AZIN1: variants seen among roughly 807,000 people sequenced by gnomAD.
AZIN1 encodes antizyme inhibitor 1, also known as ornithine decarboxylase antizyme inhibitor.
Under a neutral mutation model 47.4 loss-of-function variants are expected in AZIN1, and 12 were observed. That is an observed-to-expected ratio of 0.25 (90% CI 0.16 to 0.41). The LOEUF (loss-of-function observed/expected upper bound fraction) is 0.41, where lower values mean the gene tolerates loss of function less well. Ranked by LOEUF, AZIN1 falls within the 10% of genes least tolerant of loss-of-function variation. The pLI, the probability that AZIN1 is intolerant of heterozygous loss-of-function variation, is 1.00. For synonymous variants in AZIN1, 155 were observed against 176.3 expected (o/e 0.88, Z 0.96); for missense variants, 410 against 532.4 (o/e 0.77, Z 2.26).
At position 102,833,891 on chromosome 8, in the gene AZIN1, TAA is replaced by T. The variant is rs74551220; in HGVS notation, c.741+296_741+297del. Among the ~76,000 whole-genome samples the T allele has an allele frequency of 5.3e-3, 666 of 126,492 alleles. 10 individuals carry two copies. The highest frequency in any genetic ancestry group is 0.017 in the African/African-American group (603 of 34,766). The allele number at this position is 126,492 out of a possible 152,430, so 83.0% of individuals were successfully genotyped here. ...CAGCCTGGGCAACACAGGAAGACTT[TAA>T]AAAAAAAAAAAAAAAGGTAGTAGTG... On this transcript the variant is annotated intron_variant, in intron 8 of 11. Transcript: ENST00000337198.
chr8:102,842,144 T>C (rs772658363), intron 3 of AZIN1, among the ~76,000 whole-genome samples: 11 of 151,506 alleles, frequency 7.3e-5, no homozygotes, highest in Non-Finnish European at 1.2e-4. Context: ...TCACCTTAAG[T>C]AGCAGTGAGT....
At chr8:102,832,493 G>A (rs1353674342) in intron 9 of AZIN1, among the ~76,000 whole-genome samples, 1 of 152,148 alleles carries the variant, frequency 6.6e-6, no homozygotes, top group Non-Finnish European at 1.5e-5. Flanking sequence ...GTGAGGTAAG[G>A]AGAACAGAAA....
chr8:102,840,111 A>G (rs908631585), intron 3 of AZIN1, among the ~76,000 whole-genome samples: 3 of 152,236 alleles, frequency 2.0e-5, no homozygotes, highest in African/African-American at 7.2e-5. Flanking sequence ...ACAGTGACAA[A>G]AGTCAGAATG....
At chr8:102,863,508 G>T (rs1586221856) in intron 1 of AZIN1, among the ~76,000 whole-genome samples, 2 of 151,530 alleles carry the variant, frequency 1.3e-5, no homozygotes, top group East Asian at 3.9e-4. Flanking sequence ...CCCCGGCGGC[G>T]AGACCCCCGC....
intron 2 of AZIN1, among the ~76,000 whole-genome samples, chr8:102,848,188 G>A (rs1812695278): frequency 1.3e-5 from 2 of 152,024 alleles, no homozygotes; most frequent in African/African-American, 4.8e-5. Flanking sequence ...CTAGGTTTCT[G>A]TATGTACACT....
At chr8:102,829,679 C>A in intron 10 of AZIN1, 142 bp downstream of exon 10, 1 of 813,068 alleles carries the variant, frequency 1.2e-6, no homozygotes. Context: ...AAAAAAGGGA[C>A]TCCACCAGAA....
chr8:102,862,217 G>A (rs948315206), intron 1 of AZIN1, among the ~76,000 whole-genome samples: 4 of 152,124 alleles, frequency 2.6e-5, no homozygotes, highest in Non-Finnish European at 5.9e-5. Context: ...ATACTGATGT[G>A]AATTTTACCC....
intron 6 of AZIN1, among the ~76,000 whole-genome samples, chr8:102,835,922 C>A (rs955242530): frequency 6.6e-6 from 1 of 152,166 alleles, no homozygotes; most frequent in Non-Finnish European, 1.5e-5. Flanking sequence ...AAAAGTCTGA[C>A]ACTTTTATTT....
Position 102,833,046 on chromosome 8 carries a change from T to C in AZIN1, c.904+10A>G, listed in dbSNP as rs1563530450. On this transcript the variant is annotated intron_variant, in intron 9 of 11. Coordinates refer to ENST00000337198, the MANE Select transcript of AZIN1 (RefSeq NM_148174.4). ...CCAACAAAAATAAAACTATAAACTT[T>C]ATAACTTACCTCCAGAGGGAAATTT... The C allele has an allele frequency of 1.1e-5, 18 of 1,594,820 alleles. No homozygotes were observed. In the Middle Eastern group the frequency reaches 9.9e-4, roughly 88 times the overall value.
At chr8:102,838,255 A>G (rs759289054) in intron 5 of AZIN1, among the ~76,000 whole-genome samples, 1 of 152,244 alleles carries the variant, frequency 6.6e-6, no homozygotes, top group Non-Finnish European at 1.5e-5. Context: ...TTCAAAAATA[A>G]AAGTATTAGC....
At chr8:102,859,820 A>G (rs1162274563) in intron 1 of AZIN1, among the ~76,000 whole-genome samples, 1 of 152,212 alleles carries the variant, frequency 6.6e-6, no homozygotes, top group Non-Finnish European at 1.5e-5. Context: ...CAGGCAACAG[A>G]GGGAGAACCT....
rs1811228042 is a variant in AZIN1 at position 102,828,513 on chromosome 8, T to C, written c.*54A>G. 1 of 1,199,000 alleles carries C rather than the reference T, an allele frequency of 8.3e-7. No individual in the cohort carries two copies. The highest frequency in any genetic ancestry group is 2.1e-5 in the Admixed American group (1 of 46,770). 74.3% of individuals were successfully genotyped at this position (1,199,000 alleles called of 1,614,324 possible). On this transcript the variant is annotated 3_prime_UTR_variant, in exon 12 of 12. Coordinates refer to ENST00000337198, the MANE Select transcript of AZIN1 (RefSeq NM_148174.4). ...AAATTATTTTTCCACACTGGAATGT[T>C]GACCAGACAAGCTTAACCTGCAACT...
chr8:102,843,419 G>A (rs973495106), intron 3 of AZIN1, 132 bp downstream of exon 3: 4 of 695,120 alleles, frequency 5.8e-6, no homozygotes, highest in Non-Finnish European at 9.6e-6. Context: ...GGGTGTGGGG[G>A]AGGAAGGTCA....
intron 2 of AZIN1, among the ~76,000 whole-genome samples, chr8:102,853,865 C>T (rs1020700896): frequency 2.8e-5 from 4 of 141,026 alleles, no homozygotes; most frequent in South Asian, 2.2e-4. Context: ...GAAATTAAAT[C>T]GGGGGGTGGG....
chr8:102,828,744 A>G (rs1208485491), intron 11 of AZIN1, 66 bp from the exon 12 acceptor site: 9 of 958,058 alleles, frequency 9.4e-6, no homozygotes, highest in Non-Finnish European at 1.4e-5. Flanking sequence ...CACATAACAA[A>G]TGGATAATAA....
At chr8:102,850,511 T>C (rs549568724) in intron 2 of AZIN1, among the ~76,000 whole-genome samples, 1 of 152,262 alleles carries the variant, frequency 6.6e-6, no homozygotes, top group East Asian at 1.9e-4. Flanking sequence ...ACATCTACCA[T>C]AGATGTGAGA....
In AZIN1 at chr8:102,828,684, T is replaced by C. The variant is rs760077075; in HGVS notation, c.1236-6A>G. On this transcript the variant is annotated splice_region_variant and splice_polypyrimidine_tract_variant and intron_variant, in intron 11 of 11. Coordinates refer to ENST00000337198, the MANE Select transcript of AZIN1 (RefSeq NM_148174.4). ...CAGCATCTTGCATCTCATACCTACG[T>C]AGAAAAAAAATCAGCTAAATTCTCA... 2.5e-6 allele frequency: 4 copies of C among 1,584,504 alleles called. No individual in the cohort carries two copies. The Admixed American group carries it at 5.2e-5, about 20-fold the overall frequency.
At chr8:102,861,539 A>T (rs986704972) in intron 1 of AZIN1, among the ~76,000 whole-genome samples, 18 of 151,688 alleles carry the variant, frequency 1.2e-4, no homozygotes, top group Non-Finnish European at 2.4e-4. Context: ...GTTTATTTTT[A>T]AAAAAAACAA....
chr8:102,855,346 C>T (rs1008465947), intron 2 of AZIN1: 1 of 152,210 alleles, frequency 6.6e-6, no homozygotes, highest in African/African-American at 2.4e-5. Context: ...AGGTGTGAGC[C>T]ACCTCACCTG....
Sources: gnomAD v4.1 joint callset for allele counts (sites outside exome capture counted in the v4.1 genomes callset) on GRCh38, gnomAD v4.1.1 for gene constraint, MANE v1.5 for transcripts, NCBI Gene and HGNC (gene_info 2026-07-23, HGNC 2026-07-21) for gene names.